GANC: variants seen among roughly 807,000 people sequenced by gnomAD.
GANC encodes the protein glucosidase alpha, neutral C, also known as neutral alpha-glucosidase C.
GANC carries 117 observed loss-of-function variants against 124.2 expected under a neutral mutation model. The ratio of observed to expected loss-of-function variants is 0.94; its 90% CI spans 0.81 to 1.10. The LOEUF (loss-of-function observed/expected upper bound fraction) is 1.10. GANC is among the 50% of genes least tolerant of loss of function. The pLI, the probability that GANC is intolerant of heterozygous loss-of-function variation, is 0.00. For missense variants in GANC, 1,140 were observed against 1,095.0 expected (o/e 1.04, Z -0.58); for synonymous variants, 377 against 376.8 (o/e 1.00, Z -0.01).
chr15:42,339,961 G>T, intron 17 of GANC, 49 bp downstream of exon 17: 4 of 1,565,914 alleles, frequency 2.6e-6, no homozygotes, highest in Non-Finnish European at 3.5e-6. Context: ...ATCTGTAATA[G>T]AAGATCTCAG....
At chr15:42,298,586 T>G (rs2051914214) in intron 6 of GANC, among the ~76,000 whole-genome samples, 1 of 152,212 alleles carries the variant, frequency 6.6e-6, no homozygotes, top group Admixed American at 6.5e-5. Context: ...AAAGATTATT[T>G]TGTTGAATTG....
In GANC at chr15:42,351,374, G is replaced by C. The variant is rs1270635002; in HGVS notation, c.2577G>C (p.Glu859Asp). 1 of 1,614,010 alleles carries C rather than the reference G, an allele frequency of 6.2e-7. No homozygotes were observed. The highest frequency in any genetic ancestry group is 8.5e-7 in the Non-Finnish European group (1 of 1,180,006). The change falls in exon 23 of 24, where the codon GAG becomes GAC. Residue 859 changes from glutamate (E) to aspartate (D), a missense_variant. Coordinates refer to ENST00000318010, the MANE Select transcript of GANC (RefSeq NM_198141.3). ...RGHYPSKCVV[E>D]KILVLGFRKE... is the part of the protein sequence containing the mutation. ...ATTATCCCAGCAAGTGTGTGGTGGA[G>C]AAGATCTTGGTCTTAGGCTTCAGGA...
chr15:42,283,629 C>A (rs182637838), intron 3 of GANC: 14 of 702,206 alleles, frequency 2.0e-5, no homozygotes, highest in African/African-American at 3.5e-5. Context: ...CAAGGTTTCA[C>A]CAGAGACAAC....
chr15:42,301,286 G>A (rs530097106), intron 6 of GANC, among the ~76,000 whole-genome samples: 1 of 152,244 alleles, frequency 6.6e-6, no homozygotes, highest in South Asian at 2.1e-4. Context: ...TTAGCCAAAG[G>A]AAACCATGAG....
At chr15:42,341,607 A>G (rs1341100696) in intron 18 of GANC, among the ~76,000 whole-genome samples, 1 of 151,480 alleles carries the variant, frequency 6.6e-6, no homozygotes, top group Non-Finnish European at 1.5e-5. Context: ...TTTGTCACCC[A>G]GGCTGGAGTG....
intron 21 of GANC, among the ~76,000 whole-genome samples, 154 bp from the exon 22 acceptor site, chr15:42,349,229 T>C (rs2052397561): frequency 6.6e-6 from 1 of 152,248 alleles, no homozygotes; most frequent in Admixed American, 6.5e-5. Flanking sequence ...CAGGAGTGAT[T>C]GGCTATTGAA....
intron 3 of GANC, among the ~76,000 whole-genome samples, chr15:42,287,078 G>A (rs753511240): frequency 2.6e-5 from 4 of 152,154 alleles, no homozygotes; most frequent in Admixed American, 6.5e-5. Flanking sequence ...CGTGTCCCAC[G>A]GTAGGCAGAA....
chr15:42,326,491 T>A, intron 12 of GANC, 67 bp downstream of exon 12: 2 of 1,604,786 alleles, frequency 1.2e-6, no homozygotes, highest in Non-Finnish European at 8.5e-7. Flanking sequence ...GGCTGCGTGG[T>A]CATCATTCTG....
At chr15:42,308,927 A>G (rs1034419986) in intron 8 of GANC, among the ~76,000 whole-genome samples, 1 of 152,172 alleles carries the variant, frequency 6.6e-6, no homozygotes, top group African/African-American at 2.4e-5. Context: ...CTCGGGTTTC[A>G]CTTTTACCTC....
Position 42,349,441 on chromosome 15 carries a change from A to T in GANC, c.2477A>T (p.Gln826Leu), listed in dbSNP as rs1595787450. 1.9e-6 allele frequency: 3 copies of T among 1,613,966 alleles called. No individual in the cohort carries two copies. Among genetic ancestry groups the T allele is most frequent in the Non-Finnish European group, 2.5e-6 (3 of 1,179,868 alleles). ...DDGHSFQYLHQKQFLHRKFSF... is the reference protein window; with the variant it reads ...DDGHSFQYLHLKQFLHRKFSF... ...GGCCATTCATTCCAATACCTCCACC[A>T]GAAGCAATTTTTGCACAGGAAGTTT... Residue 826 changes from glutamine to leucine, a missense_variant, in exon 22 of 24, where the codon CAG (glutamine) becomes CTG (leucine). Coordinates refer to ENST00000318010, the MANE Select transcript of GANC (RefSeq NM_198141.3).
At chr15:42,341,977 G>A (rs1308106865) in intron 18 of GANC, among the ~76,000 whole-genome samples, 1 of 152,082 alleles carries the variant, frequency 6.6e-6, no homozygotes, top group Non-Finnish European at 1.5e-5. Flanking sequence ...ATTCTACCTA[G>A]TAAAAATCAG....
At position 42,352,916 on chromosome 15, in the gene GANC, A is replaced by C. The variant is rs1054292842; in HGVS notation, c.*777A>C. Reference sequence around the variant, plus strand: ...TCATGACTGGGACTAGGATGAGGCAAGGGAGACCCTGGCCTTGGGCACAAA... The same window carrying C: ...TCATGACTGGGACTAGGATGAGGCACGGGAGACCCTGGCCTTGGGCACAAA... On this transcript the variant is annotated 3_prime_UTR_variant, in exon 24 of 24. Coordinates refer to ENST00000318010, the MANE Select transcript of GANC (RefSeq NM_198141.3). 5 of 464,200 alleles carry C rather than the reference A, an allele frequency of 1.1e-5. No homozygotes were observed. The highest frequency in any genetic ancestry group is 1.4e-5 in the Non-Finnish European group (5 of 353,370). 28.8% of individuals were successfully genotyped at this position (464,200 alleles called of 1,614,324 possible).
chr15:42,352,155 G>A lies in GANC; in HGVS notation c.*16G>A, dbSNP rs1252973780. 1.9e-6 allele frequency: 3 copies of A among 1,613,960 alleles called. No individual in the cohort carries two copies. The highest frequency in any genetic ancestry group is 1.7e-6 in the Non-Finnish European group (2 of 1,179,956). On this transcript the variant is annotated 3_prime_UTR_variant, in exon 24 of 24. Transcript: ENST00000318010. ...CATCATATGACAAAGAACTGCCCCT[G>A]GTGATGTGAGCAGGGACCTGCCTGC...
chr15:42,297,612 G>A lies in GANC; in HGVS notation c.514G>A (p.Ala172Thr), dbSNP rs1304860831. 5 of 1,611,434 alleles carry A rather than the reference G, an allele frequency of 3.1e-6. No homozygotes were observed. The highest frequency in any genetic ancestry group is 2.7e-5 in the African/African-American group (2 of 74,854). Reference protein sequence around the residue: ...EHLQILHKQRAAKENEEETSV... With the variant: ...EHLQILHKQRTAKENEEETSV... ...ACAACTTTATTTACGTTAAAACAGA[G>A]CTGCTAAAGAAAATGAGGAGGAGAC... The change falls in exon 6 of 24, where the codon GCT (alanine) becomes ACT (threonine). Residue 172 changes from alanine to threonine, a missense_variant and splice_region_variant. By Grantham distance (58) the Ala-to-Thr change is moderately conservative. Coordinates refer to ENST00000318010, the MANE Select transcript of GANC (RefSeq NM_198141.3).
chr15:42,273,579 C>T lies in GANC; in HGVS notation c.-903C>T. ...CGTCTGTGCGCCGTGAGACTTTGGA[C>T]CTACTGCGCAGGCGTCATCCTGTTG... On this transcript the variant is annotated 5_prime_UTR_variant, in exon 1 of 24. Coordinates refer to ENST00000318010, the MANE Select transcript of GANC (RefSeq NM_198141.3). 1 of 1,095,732 alleles carries T rather than the reference C, an allele frequency of 9.1e-7. No homozygotes were observed. Among genetic ancestry groups the T allele is most frequent in the South Asian group, 1.6e-5 (1 of 63,232 alleles). 67.9% of individuals were successfully genotyped at this position (1,095,732 alleles called of 1,614,324 possible). A position where few individuals can be genotyped will look rare whatever the true frequency, so the allele number is the denominator to read the frequency against.
At chr15:42,330,737 A>G (rs1376025767) in intron 15 of GANC, 65 bp downstream of exon 15, 2 of 978,100 alleles carry the variant, frequency 2.0e-6, no homozygotes, top group African/African-American at 3.6e-5. Flanking sequence ...CATTTATAGA[A>G]TGTGATGTTA....
intron 23 of GANC, 78 bp downstream of exon 23, chr15:42,351,510 A>G (rs1444635592): frequency 1.7e-5 from 17 of 1,004,602 alleles, no homozygotes; most frequent in South Asian, 6.6e-5. Flanking sequence ...TTAGTCCCCA[A>G]ACGGAGATAA....
At position 42,343,841 on chromosome 15, in the gene GANC, C is replaced by T. The variant is rs2052344928; in HGVS notation, c.2229+687C>T. Among the ~76,000 whole-genome samples the T allele has an allele frequency of 2.6e-5, 4 of 152,126 alleles. No homozygotes were observed. The South Asian group carries it at 8.3e-4, about 32-fold the overall frequency. ...CCAGGAGAAGAGCTGGAGCAAAACT[C>T]AGGTCACCAGACTAAGGGAGGAGGG... On this transcript the variant is annotated intron_variant, in intron 19 of 23. Coordinates refer to ENST00000318010, the MANE Select transcript of GANC (RefSeq NM_198141.3).
chr15:42,330,101 G>C (rs1173787336), intron 14 of GANC, among the ~76,000 whole-genome samples: 2 of 152,070 alleles, frequency 1.3e-5, no homozygotes, highest in Non-Finnish European at 2.9e-5. Context: ...GGATCTTTTG[G>C]CTAAATATAA....
Sources: gnomAD v4.1 joint callset for allele counts (sites outside exome capture counted in the v4.1 genomes callset) on GRCh38, gnomAD v4.1.1 for gene constraint, MANE v1.5 for transcripts, NCBI Gene and HGNC (gene_info 2026-07-23, HGNC 2026-07-21) for gene names.